Variants in LRRTM4 observed in about 807,000 individuals in gnomAD.
The protein encoded by LRRTM4 is leucine rich repeat transmembrane neuronal 4.
LRRTM4 carries 25 observed loss-of-function variants against 47.6 expected under a neutral mutation model. That is an observed-to-expected ratio of 0.53 (90% CI 0.38 to 0.73). The LOEUF is 0.73. Among genes scored for constraint, LRRTM4 ranks in the 30% least tolerant of loss-of-function variants. LRRTM4 has a pLI of 0.00. For missense variants in LRRTM4, 638 were observed against 713.4 expected (o/e 0.89, Z 1.20); for synonymous variants, 311 against 269.5 (o/e 1.15, Z -1.51).
chr2:77,113,816 T>C (rs1300218335), intron 3 of LRRTM4, among the ~76,000 whole-genome samples: 1 of 152,006 alleles, frequency 6.6e-6, no homozygotes, highest in Admixed American at 6.6e-5. Context: ...TATAGGTGAA[T>C]TGTAGTTTGG....
chr2:76,888,029 CTG>C (rs922369375), intron 3 of LRRTM4, among the ~76,000 whole-genome samples: 19 of 149,434 alleles, frequency 1.3e-4, no homozygotes, highest in Middle Eastern at 3.6e-3. Context: ...TCTGCACACA[CTG>C]TGTGTGTGTA....
At chr2:76,877,644 TATTA>T (rs1672814225) in intron 3 of LRRTM4, among the ~76,000 whole-genome samples, 2 of 152,194 alleles carry the variant, frequency 1.3e-5, no homozygotes, top group African/African-American at 4.8e-5. Flanking sequence ...ACTATTCATT[TATTA>T]CTTCTAGAAA....
chr2:76,765,684 G>T (rs923748008), intron 3 of LRRTM4, among the ~76,000 whole-genome samples: 1 of 152,214 alleles, frequency 6.6e-6, no homozygotes, highest in Non-Finnish European at 1.5e-5. Context: ...TCAGAATGAA[G>T]CCTTCCTTGC....
At chr2:77,149,165 T>TA (rs1237753495) in intron 3 of LRRTM4, among the ~76,000 whole-genome samples, 1 of 151,958 alleles carries the variant, frequency 6.6e-6, no homozygotes, top group African/African-American at 2.4e-5. Flanking sequence ...TCCTACAAGT[T>TA]AAAAAACAAA....
chr2:77,131,708 T>A (rs1475196258), intron 3 of LRRTM4, among the ~76,000 whole-genome samples: 1 of 152,196 alleles, frequency 6.6e-6, no homozygotes, highest in Non-Finnish European at 1.5e-5. Context: ...TTTAGAATGC[T>A]ATTTGTAAAG....
chr2:76,838,332 C>T (rs1016486583), intron 3 of LRRTM4, among the ~76,000 whole-genome samples: 4 of 151,994 alleles, frequency 2.6e-5, no homozygotes, highest in African/African-American at 9.7e-5. Flanking sequence ...TGTTTTCCTA[C>T]TTCTAAAACT....
intron 3 of LRRTM4, among the ~76,000 whole-genome samples, chr2:77,054,684 T>A (rs1007794517): frequency 4.6e-5 from 7 of 152,212 alleles, no homozygotes; most frequent in Non-Finnish European, 7.3e-5. Context: ...TTATAATTAG[T>A]AAGAGCTACC....
intron 3 of LRRTM4, among the ~76,000 whole-genome samples, chr2:77,497,087 A>ATGT (rs1340839836): frequency 3.3e-5 from 5 of 151,798 alleles, no homozygotes; most frequent in Admixed American, 3.3e-4. Context: ...CTGCAAAAAG[A>ATGT]TGTTTATTAT....
intron 3 of LRRTM4, among the ~76,000 whole-genome samples, chr2:77,326,905 T>C (rs983219124): frequency 6.6e-6 from 1 of 152,196 alleles, no homozygotes; most frequent in African/African-American, 2.4e-5. Context: ...AAATTTTTTC[T>C]TTGATGCTGT....
intron 3 of LRRTM4, among the ~76,000 whole-genome samples, chr2:77,108,647 G>A (rs965853898): frequency 1.3e-5 from 2 of 150,538 alleles, no homozygotes; most frequent in South Asian, 2.1e-4. Context: ...GCAGTGGCGG[G>A]ATCTGGGCTC....
intron 3 of LRRTM4, among the ~76,000 whole-genome samples, chr2:77,212,472 T>G (rs71420992): frequency 0.082 from 11,882 of 144,206 alleles, 547 homozygotes; most frequent in East Asian, 0.13. Flanking sequence ...TATATATATA[T>G]ATAGAGAGAG....
intron 3 of LRRTM4, among the ~76,000 whole-genome samples, chr2:76,858,868 C>G (rs963012109): frequency 3.9e-5 from 6 of 152,082 alleles, no homozygotes; most frequent in African/African-American, 1.4e-4. Context: ...AATCCCTATG[C>G]TACACTGAAT....
chr2:76,779,795 C>G (rs1219172545), intron 3 of LRRTM4, among the ~76,000 whole-genome samples: 11 of 152,150 alleles, frequency 7.2e-5, no homozygotes, highest in Non-Finnish European at 1.5e-4. Context: ...TGAATTTGAT[C>G]TTATCATTAT....
intron 3 of LRRTM4, among the ~76,000 whole-genome samples, chr2:76,834,562 A>T (rs1341049502): frequency 6.6e-6 from 1 of 151,922 alleles, no homozygotes; most frequent in Non-Finnish European, 1.5e-5. Flanking sequence ...TATATTTTCT[A>T]ATTATAATCA....
chr2:77,372,115 C>A (rs1367221302), intron 3 of LRRTM4, among the ~76,000 whole-genome samples: 3 of 151,668 alleles, frequency 2.0e-5, no homozygotes, highest in African/African-American at 4.8e-5. Flanking sequence ...AAAAATATGA[C>A]AATAGGCTGC....
At chr2:77,414,132 C>T (rs2103865989) in intron 3 of LRRTM4, among the ~76,000 whole-genome samples, 1 of 152,250 alleles carries the variant, frequency 6.6e-6, no homozygotes, top group East Asian at 1.9e-4. Flanking sequence ...CCTTCTGTTT[C>T]CTTTCTTCCT....
At chr2:76,867,423 AC>A (rs1382618417) in intron 3 of LRRTM4, among the ~76,000 whole-genome samples, 2 of 152,276 alleles carry the variant, frequency 1.3e-5, no homozygotes, top group African/African-American at 4.8e-5. Context: ...AAAATAAAAT[AC>A]CTGGGTTATG....
chr2:76,794,637 A>T (rs1675167965), intron 3 of LRRTM4, among the ~76,000 whole-genome samples: 1 of 152,178 alleles, frequency 6.6e-6, no homozygotes, highest in South Asian at 2.1e-4. Flanking sequence ...CTGTTTTCCT[A>T]GTATTTACAT....
intron 3 of LRRTM4, among the ~76,000 whole-genome samples, chr2:77,196,497 A>T (rs978629081): frequency 1.3e-5 from 2 of 152,174 alleles, no homozygotes; most frequent in African/African-American, 4.8e-5. Context: ...TAATCCCAGC[A>T]CTGTGGGAGG....
Sources: allele counts gnomAD v4.1 joint callset (sites outside exome capture counted in the v4.1 genomes callset), GRCh38; gene constraint gnomAD v4.1.1; transcripts MANE v1.5; gene names NCBI Gene and HGNC (gene_info 2026-07-23, HGNC 2026-07-21).